The following RICTOR variants were observed in gnomAD, a reference collection of about 807,000 sequenced individuals.
RICTOR encodes rapamycin-insensitive companion of mTOR.
RICTOR carries 49 observed loss-of-function variants against 214.9 expected under a neutral mutation model. The ratio of observed to expected loss-of-function variants is 0.23; its 90% CI spans 0.18 to 0.29. The LOEUF (loss-of-function observed/expected upper bound fraction) is 0.29, where lower values mean the gene tolerates loss of function less well. Ranked by LOEUF, RICTOR falls within the 10% of genes least tolerant of loss-of-function variation. RICTOR has a pLI of 1.00. For synonymous variants in RICTOR, 717 were observed against 711.3 expected, an observed-to-expected ratio of 1.01 and a Z score of -0.13; for missense variants, 1,625 against 2,047.0, an observed-to-expected ratio of 0.79 and a Z score of 3.98.
chr5:39,072,824 A>C (rs1759413021), intron 2 of RICTOR, among the ~76,000 whole-genome samples: 1 of 152,206 alleles, frequency 6.6e-6, no homozygotes, highest in Non-Finnish European at 1.5e-5. Context: ...ATATTGTATT[A>C]TATTTTAGAA....
chr5:39,005,553 C>T (rs760603201), intron 3 of RICTOR, among the ~76,000 whole-genome samples: 10 of 152,174 alleles, frequency 6.6e-5, no homozygotes, highest in East Asian at 1.9e-4. Flanking sequence ...TTTCTCCATA[C>T]GTCCTCTATG....
Position 38,960,405 on chromosome 5 carries a change from G to C in RICTOR, c.1844C>G (p.Ser615Cys), listed in dbSNP as rs1200274304. ...GCQFTEFLLE[S>C]EEDGQGYLED... ...AATATTCAGAATGCCCACCTCTTCAGATTCAAGAAGAAATTCTGTAAACTG... is the reference window on the plus strand; with the variant it reads ...AATATTCAGAATGCCCACCTCTTCACATTCAAGAAGAAATTCTGTAAACTG... Residue 615 changes from serine to cysteine, a missense_variant, in exon 20 of 38, where the codon TCT (serine) becomes TGT (cysteine). Physicochemically the swap from Ser to Cys is moderately radical, Grantham distance 112 (BLOSUM62 -1). Coordinates refer to ENST00000357387, the MANE Select transcript of RICTOR (RefSeq NM_152756.5). The C allele has an allele frequency of 6.2e-7, 1 of 1,613,304 alleles. No individual in the cohort carries two copies. The highest frequency in any genetic ancestry group is 8.5e-7 in the Non-Finnish European group (1 of 1,179,652).
chr5:39,018,264 A>C (rs900159106), intron 3 of RICTOR, among the ~76,000 whole-genome samples: 3 of 152,158 alleles, frequency 2.0e-5, no homozygotes, highest in African/African-American at 7.2e-5. Context: ...TTGGGCTCTA[A>C]TTTAGATCCA....
chr5:39,040,964 G>A (rs1232143364), intron 2 of RICTOR, among the ~76,000 whole-genome samples: 1 of 152,164 alleles, frequency 6.6e-6, no homozygotes, highest in Non-Finnish European at 1.5e-5. Context: ...TAAATATCAT[G>A]CAAATAAAAT....
rs1445686556 is a variant in RICTOR at position 38,991,028 on chromosome 5, T to A, written c.504A>T (p.Ser168=). ...GTCCATCATTTCCAACTGCAATTAA[T>A]GAGTTGGTCACAGAACTAGGAAACA... ...ASLFPSSVTN[S]LIAVGNDGLQ... The change falls in exon 7 of 38, where the codon TCA becomes TCT. Residue 168 remains serine (S), a synonymous_variant. Transcript: ENST00000357387. 6.3e-7 allele frequency: 1 copy of A among 1,598,648 alleles called. No homozygotes were observed. The highest frequency in any genetic ancestry group is 1.1e-5 in the South Asian group (1 of 90,038).
intron 7 of RICTOR, among the ~76,000 whole-genome samples, chr5:38,987,654 A>C (rs1365659321): frequency 6.6e-6 from 1 of 152,010 alleles, no homozygotes; most frequent in East Asian, 1.9e-4. Context: ...TTTTCAAAAA[A>C]CCAGCTCCTG....
At position 38,981,625 on chromosome 5, in the gene RICTOR, TA is replaced by T. The variant is rs1751721002; in HGVS notation, c.753+241del. 8.4e-6 allele frequency: 3 copies of T among 356,548 alleles called. No individual in the cohort carries two copies. The South Asian group carries it at 1.8e-4, about 22-fold the overall frequency. The allele number at this position is 356,548 out of a possible 1,614,324, so 22.1% of individuals were successfully genotyped here. A position where few individuals can be genotyped will look rare whatever the true frequency, so the allele number is the denominator to read the frequency against. On this transcript the variant is annotated intron_variant, in intron 8 of 37. Transcript: ENST00000357387. The stretch of plus-strand genomic sequence containing the variant: ...TTTATTTGTACTCTAATTTGGTTCA[TA>T]AACTTTTCATAGATAATACAAAAAT...
intron 2 of RICTOR, among the ~76,000 whole-genome samples, chr5:39,030,250 C>T (rs1368620158): frequency 6.6e-6 from 1 of 151,884 alleles, no homozygotes; most frequent in Non-Finnish European, 1.5e-5. Context: ...TTAATGAAAC[C>T]TCAAACAAAT....
chr5:38,994,451 A>AAAAAAAAAAAAAAAAAAAAAAAAAAAG lies in RICTOR; in HGVS notation c.456+2367_456+2368insCTTTTTTTTTTTTTTTTTTTTTTTTTT, dbSNP rs1304761708. ...AAAAAAAAAAAAAAAAAAAAAAAAA[A>AAAAAAAAAAAAAAAAAAAAAAAAAAAG]AGTGCTTCAGATGCCAAAAGCACTA... On this transcript the variant is annotated intron_variant, in intron 6 of 37. Coordinates refer to ENST00000357387, the MANE Select transcript of RICTOR (RefSeq NM_152756.5). 4.9e-5 allele frequency among the ~76,000 whole-genome samples: 5 copies of AAAAAAAAAAAAAAAAAAAAAAAAAAAG among 101,562 alleles called. 1 individual carries two copies. The highest frequency in any genetic ancestry group is 7.7e-5 in the Non-Finnish European group (4 of 52,066). 66.6% of individuals were successfully genotyped at this position (101,562 alleles called of 152,430 possible). A position where few individuals can be genotyped will look rare whatever the true frequency, so the allele number is the denominator to read the frequency against.
intron 7 of RICTOR, among the ~76,000 whole-genome samples, chr5:38,986,703 T>C (rs918446549): frequency 6.6e-6 from 1 of 152,208 alleles, no homozygotes; most frequent in Non-Finnish European, 1.5e-5. Context: ...CCTATTTTAA[T>C]ACCCTTTATT....
At chr5:38,976,727 GC>G (rs1277821934) in intron 9 of RICTOR, among the ~76,000 whole-genome samples, 11 of 152,046 alleles carry the variant, frequency 7.2e-5, no homozygotes, top group African/African-American at 2.7e-4. Flanking sequence ...TTATTTACAG[GC>G]CTGATATCTA....
chr5:38,980,237 T>C (rs879096330), intron 8 of RICTOR, among the ~76,000 whole-genome samples: 12 of 152,188 alleles, frequency 7.9e-5, no homozygotes, highest in Admixed American at 3.3e-4. Flanking sequence ...TTCTATGGAT[T>C]GTTTTTTTTC....
At chr5:39,048,443 A>G (rs1313216967) in intron 2 of RICTOR, among the ~76,000 whole-genome samples, 1 of 152,312 alleles carries the variant, frequency 6.6e-6, no homozygotes, top group East Asian at 1.9e-4. Context: ...TTCTGTAAGT[A>G]TGGAATTTTG....
intron 10 of RICTOR, among the ~76,000 whole-genome samples, chr5:38,975,081 T>C (rs1468393565): frequency 6.6e-6 from 1 of 152,232 alleles, no homozygotes; most frequent in Admixed American, 6.5e-5. Flanking sequence ...ATACTTACTT[T>C]TTATTCCATG....
Position 39,057,767 on chromosome 5 carries a change from T to C in RICTOR, c.97+16344A>G, listed in dbSNP as rs908018852. The stretch of plus-strand genomic sequence containing the variant: ...AGTCAGCAAGGATCTGTCAAGGTTA[T>C]ATTAAGTGTTCCCATCTTCAGGAAA... On this transcript the variant is annotated intron_variant, in intron 2 of 37. Transcript: ENST00000357387. 3.9e-5 allele frequency among the ~76,000 whole-genome samples: 6 copies of C among 152,150 alleles called. No individual in the cohort carries two copies. The South Asian group carries it at 1.2e-3, about 31-fold the overall frequency.
intron 21 of RICTOR, 73 bp downstream of exon 21, chr5:38,959,706 A>G (rs1216248166): frequency 1.0e-6 from 1 of 966,572 alleles, no homozygotes; most frequent in East Asian, 2.5e-5. Flanking sequence ...CACAGAATAA[A>G]AAGCATACCA....
At chr5:39,016,145 G>GCC (rs1754922946) in intron 3 of RICTOR, among the ~76,000 whole-genome samples, 1 of 152,116 alleles carries the variant, frequency 6.6e-6, no homozygotes, top group African/African-American at 2.4e-5. Context: ...ACATAGCAAA[G>GCC]AAAGGGGCTG....
At position 39,037,812 on chromosome 5, in the gene RICTOR, T is replaced by C. The variant is rs116862715; in HGVS notation, c.98-16676A>G. Among the ~76,000 whole-genome samples the C allele has an allele frequency of 6.9e-3, 1,056 of 152,296 alleles. 52 individuals carry two copies. In the East Asian group the frequency reaches 0.12, roughly 17 times the overall value. Reference sequence around the variant, plus strand: ...ATACACCAATAACAGGCTTCTGAAATTGAGGCAGTAATTAGTAGCTTACCA... The same window carrying C: ...ATACACCAATAACAGGCTTCTGAAACTGAGGCAGTAATTAGTAGCTTACCA... On this transcript the variant is annotated intron_variant, in intron 2 of 37. Transcript: ENST00000357387.
At chr5:38,976,445 G>C (rs1751238007) in intron 9 of RICTOR, among the ~76,000 whole-genome samples, 1 of 151,924 alleles carries the variant, frequency 6.6e-6, no homozygotes, top group South Asian at 2.1e-4. Flanking sequence ...ATATGAGTGA[G>C]CAATTAGTCT....
Sources: gnomAD v4.1 joint callset for allele counts (sites outside exome capture counted in the v4.1 genomes callset) on GRCh38, gnomAD v4.1.1 for gene constraint, MANE v1.5 for transcripts, NCBI Gene and HGNC (gene_info 2026-07-23, HGNC 2026-07-21) for gene names.